ZNF568: variants seen among roughly 807,000 people sequenced by gnomAD.
ZNF568 encodes p53 inhibitor of SCO2 activation.
ZNF568 carries 11 observed loss-of-function variants against 18.1 expected under a neutral mutation model. The observed-to-expected ratio is 0.61, with a 90% CI of 0.38 to 1.00. The LOEUF (loss-of-function observed/expected upper bound fraction) is 1.00. Ranked by LOEUF, ZNF568 falls within the 50% of genes least tolerant of loss-of-function variation. The pLI is 0.01. For missense variants in ZNF568, 639 were observed against 768.2 expected (o/e 0.83, Z 1.99); for synonymous variants, 213 against 246.6 (o/e 0.86, Z 1.28).
chr19:36,994,025 TTC>T (rs1416149234), intron 4 of ZNF568, among the ~76,000 whole-genome samples: 1 of 151,892 alleles, frequency 6.6e-6, no homozygotes. Context: ...CTGTTTTTTT[TTC>T]TTTTTTTTTT....
At chr19:36,945,715 A>G (rs1341522213) in intron 6 of ZNF568, among the ~76,000 whole-genome samples, 2 of 146,632 alleles carry the variant, frequency 1.4e-5, no homozygotes. Context: ...TATGTACTAT[A>G]TATAAGGAAA....
chr19:36,948,476 A>T (rs930034898), intron 6 of ZNF568, among the ~76,000 whole-genome samples: 12 of 152,152 alleles, frequency 7.9e-5, no homozygotes, highest in African/African-American at 2.9e-4. Context: ...TGGGGTAAAT[A>T]CCAAGCATGA....
intron 6 of ZNF568, among the ~76,000 whole-genome samples, chr19:36,964,706 C>T (rs2146326035): frequency 6.6e-6 from 1 of 152,216 alleles, no homozygotes; most frequent in East Asian, 1.9e-4. Context: ...GTCCCAGCTA[C>T]TTGGGAGGCT....
At chr19:36,994,626 T>C (rs1204071826) in intron 4 of ZNF568, among the ~76,000 whole-genome samples, 1 of 152,194 alleles carries the variant, frequency 6.6e-6, no homozygotes, top group Admixed American at 6.5e-5. Context: ...TGACTATCAT[T>C]ATATTCTCTT....
intron 2 of ZNF568, among the ~76,000 whole-genome samples, chr19:36,990,183 C>T (rs2074411395): frequency 6.6e-6 from 1 of 152,174 alleles, no homozygotes; most frequent in Admixed American, 6.6e-5. Flanking sequence ...CCATTTTGAA[C>T]TTGTGTAGTA....
At chr19:36,957,919 A>T (rs1262771844) in intron 6 of ZNF568, among the ~76,000 whole-genome samples, 1 of 152,174 alleles carries the variant, frequency 6.6e-6, no homozygotes, top group Non-Finnish European at 1.5e-5. Context: ...GACCCAAAAG[A>T]TTGCCTTATT....
chr19:36,982,821 C>T (rs1377325518), downstream of ZNF568, among the ~76,000 whole-genome samples: 2 of 152,078 alleles, frequency 1.3e-5, no homozygotes, highest in African/African-American at 4.8e-5. Flanking sequence ...TGGGAAAAAC[C>T]TAACTTAGCC....
At chr19:36,939,266 C>A (rs550568030) in intron 6 of ZNF568, among the ~76,000 whole-genome samples, 1 of 152,228 alleles carries the variant, frequency 6.6e-6, no homozygotes, top group African/African-American at 2.4e-5. Flanking sequence ...GCCTTTGTAC[C>A]ATTTGTCAGG....
chr19:36,991,386 T>C, intron 3 of ZNF568: 1 of 1,412,076 alleles, frequency 7.1e-7, no homozygotes, highest in Admixed American at 2.8e-5. Flanking sequence ...TTTTCTGAGT[T>C]TGTCCCAAGT....
Position 36,949,675 on chromosome 19 carries a change from C to T in ZNF568, c.522C>T (p.Ser174=), listed in dbSNP as rs376466867. 1 of 1,613,696 alleles carries T rather than the reference C, an allele frequency of 6.2e-7. No homozygotes were observed. The highest frequency in any genetic ancestry group is 8.5e-7 in the Non-Finnish European group (1 of 1,179,826). The stretch of plus-strand genomic sequence containing the variant: ...CAGACATTGTTACTTCAAGACAAAG[C>T]TTCTATGACTGTGACTCACTTGATA... The part of the protein sequence containing the change: ...LSSDIVTSRQ[S]FYDCDSLDKG... Residue 174 remains serine, a synonymous_variant, in exon 7 of 7, where the codon AGC becomes AGT. Coordinates refer to ENST00000333987, the MANE Select transcript of ZNF568 (RefSeq NM_198539.4).
Position 36,950,979 on chromosome 19 carries a change from C to T in ZNF568, c.1826C>T (p.Thr609Ile), listed in dbSNP as rs202075695. The T allele has an allele frequency of 6.2e-7, 1 of 1,613,756 alleles. No homozygotes were observed. Among genetic ancestry groups the T allele is most frequent in the South Asian group, 1.1e-5 (1 of 91,010 alleles). The change falls in exon 7 of 7, where the codon ACT becomes ATT. Residue 609 changes from threonine to isoleucine, a missense_variant. Thr to Ile is a moderately conservative substitution (Grantham distance 89). Transcript: ENST00000333987. ...CTTATTATACATATGAGAAGTCATA[C>T]TGGTGAGAAACCCTTTGAATGTAAT... ...SLLIIHMRSH[T>I]GEKPFECNEC...
rs1025060992 is a variant in ZNF568 at position 36,991,953 on chromosome 19, G to A, written c.229+107G>A. On this transcript the variant is annotated intron_variant, in intron 4 of 4. Coordinates refer to the ZNF568 transcript ENST00000433993. ...TTTGGTAGGAAAGCTGCCTAAAAAG[G>A]CTTGAGATCTGGGGAAGAAAGTAAG... is the stretch of plus-strand genomic sequence containing the variant. 7 of 845,158 alleles carry A rather than the reference G, an allele frequency of 8.3e-6. No individual in the cohort carries two copies. In the Admixed American group the frequency reaches 1.3e-4, roughly 16 times the overall value. 52.4% of individuals were successfully genotyped at this position (845,158 alleles called of 1,614,324 possible). A position where few individuals can be genotyped will look rare whatever the true frequency, so the allele number is the denominator to read the frequency against.
intron 6 of ZNF568, among the ~76,000 whole-genome samples, chr19:36,942,653 A>G (rs867036107): frequency 3.3e-5 from 5 of 149,674 alleles, no homozygotes; most frequent in Admixed American, 6.6e-5. Context: ...ATCCTCATGT[A>G]TTCATCACTC....
At chr19:36,925,083 T>C in intron 3 of ZNF568, 117 bp from the exon 4 acceptor site, 1 of 837,176 alleles carries the variant, frequency 1.2e-6, no homozygotes, top group Non-Finnish European at 2.0e-6. Flanking sequence ...TTAACATTTC[T>C]TATTGCTTCA....
chr19:36,984,642 C>T (rs1406552975), downstream of ZNF568, among the ~76,000 whole-genome samples: 3 of 151,318 alleles, frequency 2.0e-5, no homozygotes, highest in Non-Finnish European at 2.9e-5. Context: ...GATCACTTTC[C>T]TTTAGATGGA....
downstream of ZNF568, among the ~76,000 whole-genome samples, chr19:36,956,593 A>T (rs946715334): frequency 9.2e-5 from 13 of 140,824 alleles, no homozygotes; most frequent in East Asian, 1.3e-3. Flanking sequence ...ATTGAAATTT[A>T]AAAAAAACTT....
chr19:36,925,911 G>A lies in ZNF568; in HGVS notation c.135+653G>A, dbSNP rs371914512. Among the ~76,000 whole-genome samples the A allele has an allele frequency of 5.9e-5, 9 of 152,206 alleles. No homozygotes were observed. The South Asian group carries it at 1.9e-3, about 32-fold the overall frequency. On this transcript the variant is annotated intron_variant, in intron 4 of 6. Coordinates refer to ENST00000333987, the MANE Select transcript of ZNF568 (RefSeq NM_198539.4). ...CATCAGTGGATTTTGGTATCCGTGG[G>A]GGGTCCTGGAACCAATTCTACATGG...
chr19:36,953,637 C>T (rs983446763), downstream of ZNF568, among the ~76,000 whole-genome samples: 11 of 152,274 alleles, frequency 7.2e-5, no homozygotes, highest in Admixed American at 3.3e-4. Context: ...TAGGGCCAGA[C>T]GCAGTAGCTC....
At chr19:36,941,602 A>G (rs1600803182) in intron 6 of ZNF568, among the ~76,000 whole-genome samples, 1 of 152,348 alleles carries the variant, frequency 6.6e-6, no homozygotes, top group South Asian at 2.1e-4. Flanking sequence ...GTTTAGATAG[A>G]AATAAAGGAA....
Sources: allele counts gnomAD v4.1 joint callset (sites outside exome capture counted in the v4.1 genomes callset), GRCh38; gene constraint gnomAD v4.1.1; transcripts MANE v1.5; gene names NCBI Gene and HGNC (gene_info 2026-07-23, HGNC 2026-07-21).